FAM81B: variants seen among roughly 807,000 people sequenced by gnomAD.
The protein encoded by FAM81B is protein FAM81B.
Under a neutral mutation model 58.7 loss-of-function variants are expected in FAM81B, and 60 were observed. The ratio of observed to expected loss-of-function variants is 1.02; its 90% CI spans 0.83 to 1.27. FAM81B has a LOEUF of 1.27. Ranked by LOEUF, FAM81B falls within the 50% of genes most tolerant of loss-of-function variation. The probability of loss-of-function intolerance (pLI) is 0.00; values close to 1 mark genes in which losing one functional copy is unlikely to be tolerated. For missense variants in FAM81B, 491 were observed against 522.0 expected, an observed-to-expected ratio of 0.94 and a Z score of 0.58; for synonymous variants, 189 against 179.6, an observed-to-expected ratio of 1.05 and a Z score of -0.42.
chr5:95,401,604 ACT>A (rs1471886210), intron 3 of FAM81B, among the ~76,000 whole-genome samples: 9 of 151,760 alleles, frequency 5.9e-5, no homozygotes, highest in East Asian at 1.9e-4. Context: ...TTTTTGTAGG[ACT>A]CTCTGCACTC....
chr5:95,449,943 T>C (rs2731828), intron 9 of FAM81B, among the ~76,000 whole-genome samples: 65,970 of 152,124 alleles, frequency 0.43, 17,950 homozygotes, highest in African/African-American at 0.77. Flanking sequence ...ACCAGATAAC[T>C]AGATATAAGT....
intron 7 of FAM81B, among the ~76,000 whole-genome samples, chr5:95,446,356 G>A (rs142443699): frequency 8.1e-4 from 123 of 152,238 alleles, no homozygotes; most frequent in African/African-American, 2.8e-3. Context: ...TGTAGAGGGG[G>A]TGTTAACAGT....
chr5:95,422,235 A>T (rs10476646), intron 5 of FAM81B, among the ~76,000 whole-genome samples: 31,183 of 151,354 alleles, frequency 0.21, 3,339 homozygotes, highest in African/African-American at 0.26. Context: ...GTTGAAAAAC[A>T]CTCATCCAAG....
intron 4 of FAM81B, among the ~76,000 whole-genome samples, chr5:95,419,918 G>T (rs1272206856): frequency 6.6e-6 from 1 of 152,136 alleles, no homozygotes; most frequent in African/African-American, 2.4e-5. Flanking sequence ...ATGGCCAACG[G>T]CAACCCATGA....
chr5:95,415,570 G>A (rs1158437151), intron 4 of FAM81B, among the ~76,000 whole-genome samples: 2 of 152,118 alleles, frequency 1.3e-5, no homozygotes, highest in African/African-American at 2.4e-5. Flanking sequence ...GTGATTAAAG[G>A]TATTTCCATG....
intron 8 of FAM81B, among the ~76,000 whole-genome samples, chr5:95,446,933 T>C (rs1022770709): frequency 2.0e-5 from 3 of 146,738 alleles, no homozygotes; most frequent in Non-Finnish European, 4.4e-5. Context: ...CAAAAGAATC[T>C]GAAGAGGTTT....
At chr5:95,440,071 C>G (rs1745271971) in intron 7 of FAM81B, 1 of 482,358 alleles carries the variant, frequency 2.1e-6, no homozygotes, top group Non-Finnish European at 4.0e-6. Flanking sequence ...GCTTGAAGAC[C>G]AGAAAATTAG....
At chr5:95,418,926 C>A (rs1159332269) in intron 4 of FAM81B, among the ~76,000 whole-genome samples, 1 of 151,904 alleles carries the variant, frequency 6.6e-6, no homozygotes, top group Non-Finnish European at 1.5e-5. Context: ...AAATTACTCC[C>A]CCATTGATTT....
Position 95,409,654 on chromosome 5 carries a change from A to G in FAM81B, c.294-4293A>G, listed in dbSNP as rs528056692. On this transcript the variant is annotated intron_variant, in intron 3 of 9. Transcript: ENST00000283357. ...AGCCCCTCTTCTTCCTTTATAAGCC[A>G]ACCAGATTCTGCTGACCTTCACTGG... 2.9e-4 allele frequency among the ~76,000 whole-genome samples: 44 copies of G among 152,296 alleles called. No individual in the cohort carries two copies. In the South Asian group the frequency reaches 3.3e-3, roughly 11 times the overall value.
At chr5:95,400,430 A>G (rs1762078338) in intron 3 of FAM81B, among the ~76,000 whole-genome samples, 1 of 95,152 alleles carries the variant, frequency 1.1e-5, no homozygotes, top group Non-Finnish European at 2.1e-5. Flanking sequence ...ATACATACAT[A>G]CATACACACA....
At chr5:95,433,981 T>C (rs539762960) in intron 6 of FAM81B, among the ~76,000 whole-genome samples, 14 of 152,350 alleles carry the variant, frequency 9.2e-5, no homozygotes, top group South Asian at 8.3e-4. Flanking sequence ...CTATTACCTT[T>C]TCGAAAAACC....
chr5:95,418,063 C>G (rs1561300172), intron 4 of FAM81B, among the ~76,000 whole-genome samples: 1 of 152,162 alleles, frequency 6.6e-6, no homozygotes, highest in Non-Finnish European at 1.5e-5. Context: ...ATCCCAGAAC[C>G]AAGTAATTCA....
chr5:95,424,255 C>A, intron 5 of FAM81B: 4 of 1,271,826 alleles, frequency 3.1e-6, no homozygotes, highest in Admixed American at 4.6e-5. Flanking sequence ...TGAATCACTT[C>A]CACTATCATC....
Position 95,430,358 on chromosome 5 carries a change from TCCC to T in FAM81B, c.786+1629_786+1631del, listed in dbSNP as rs1305931369. ...AGCAAATGCAAATACATATTTTTAT[TCCC>T]CCTTTATTGCACAAAAATAGTGTAT... On this transcript the variant is annotated intron_variant, in intron 6 of 9. Transcript: ENST00000283357. Among the ~76,000 whole-genome samples the T allele has an allele frequency of 2.0e-5, 3 of 146,706 alleles. No individual in the cohort carries two copies. In the East Asian group the frequency reaches 6.0e-4, roughly 29 times the overall value.
intron 6 of FAM81B, among the ~76,000 whole-genome samples, chr5:95,433,422 G>A (rs1322059631): frequency 6.6e-6 from 1 of 152,018 alleles, no homozygotes; most frequent in Non-Finnish European, 1.5e-5. Flanking sequence ...CCTCCCACGG[G>A]GTCCTTCTCA....
At chr5:95,446,987 A>T (rs559166919) in intron 8 of FAM81B, among the ~76,000 whole-genome samples, 21 of 151,378 alleles carry the variant, frequency 1.4e-4, no homozygotes, top group Admixed American at 4.6e-4. Context: ...CCAGACCCAG[A>T]GAGTCTGACT....
chr5:95,444,943 T>C (rs975926706), intron 7 of FAM81B, among the ~76,000 whole-genome samples: 1 of 152,138 alleles, frequency 6.6e-6, no homozygotes, highest in Non-Finnish European at 1.5e-5. Flanking sequence ...ACCCACTAGA[T>C]GCCAGTAACA....
chr5:95,404,269 G>T (rs1762189179), intron 3 of FAM81B, among the ~76,000 whole-genome samples: 1 of 152,124 alleles, frequency 6.6e-6, no homozygotes, highest in African/African-American at 2.4e-5. Flanking sequence ...CTGACAGCAT[G>T]GTGGGGGTTT....
At chr5:95,418,248 A>G (rs1317989681) in intron 4 of FAM81B, among the ~76,000 whole-genome samples, 1 of 152,218 alleles carries the variant, frequency 6.6e-6, no homozygotes, top group Admixed American at 6.5e-5. Flanking sequence ...CAGATGAGGT[A>G]TCACAGTGCT....
Sources: allele counts gnomAD v4.1 joint callset (sites outside exome capture counted in the v4.1 genomes callset), GRCh38; gene constraint gnomAD v4.1.1; transcripts MANE v1.5; gene names NCBI Gene and HGNC (gene_info 2026-07-23, HGNC 2026-07-21).